Variants in ZFHX3 observed in about 807,000 individuals in gnomAD.
ZFHX3 encodes zinc finger homeobox 3, also known as zinc finger homeobox protein 3.
ZFHX3 carries 42 observed loss-of-function variants against 279.1 expected under a neutral mutation model. The ratio of observed to expected loss-of-function variants is 0.15; its 90% CI spans 0.12 to 0.19. ZFHX3 has a LOEUF of 0.19. Ranked by LOEUF, ZFHX3 falls within the 10% of genes least tolerant of loss-of-function variation. The pLI, the probability that ZFHX3 is intolerant of heterozygous loss-of-function variation, is 1.00. For missense variants in ZFHX3, 4,981 were observed against 4,754.0 expected (o/e 1.05, Z -1.40); for synonymous variants, 2,293 against 1,957.8 (o/e 1.17, Z -4.52).
At chr16:72,961,641 T>TC (rs2144469895) in intron 1 of ZFHX3, among the ~76,000 whole-genome samples, 1 of 151,856 alleles carries the variant, frequency 6.6e-6, no homozygotes, top group African/African-American at 2.4e-5. Context: ...TTTTTTTTTT[T>TC]CATTTCTTGA....
At chr16:73,121,662 C>A (rs1209579359) in intron 7 of ZFHX3, among the ~76,000 whole-genome samples, 1 of 150,058 alleles carries the variant, frequency 6.7e-6, no homozygotes, top group Non-Finnish European at 1.5e-5. Context: ...GTTGCCCAGG[C>A]TGGAGTGCAG....
At chr16:73,491,732 G>C (rs139049394) in intron 2 of ZFHX3, among the ~76,000 whole-genome samples, 204 of 152,238 alleles carry the variant, frequency 1.3e-3, no homozygotes, top group Middle Eastern at 6.8e-3. Flanking sequence ...ATTGCACTTA[G>C]CAGTGTATAG....
At position 72,797,590 on chromosome 16, in the gene ZFHX3, C is replaced by T. The variant is rs1275704590; in HGVS notation, c.5092G>A (p.Gly1698Ser). Residue 1698 changes from glycine to serine, a missense_variant, in exon 9 of 10, where the codon GGT becomes AGT. By Grantham distance (56) the Gly-to-Ser change is moderately conservative. Around this residue, in one of 7 missense-constraint regions of ZFHX3, gnomAD observed 1,751 missense variants for 1,770.0 expected, o/e 0.99. Transcript: ENST00000268489. Reference sequence around the variant, plus strand: ...TCTGAAGGGGAAGCAATGTTGGCACCAATAGGATTCCCCAGGGGTGGCATC... The same window carrying T: ...TCTGAAGGGGAAGCAATGTTGGCACTAATAGGATTCCCCAGGGGTGGCATC... Reference protein sequence around the residue: ...VGMPPLGNPIGANIASPSEPK... With the variant: ...VGMPPLGNPISANIASPSEPK... The T allele has an allele frequency of 6.2e-7, 1 of 1,614,000 alleles. No individual in the cohort carries two copies. The highest frequency in any genetic ancestry group is 8.5e-7 in the Non-Finnish European group (1 of 1,180,002).
chr16:73,071,757 AG>A (rs1328161249), intron 8 of ZFHX3, among the ~76,000 whole-genome samples: 1 of 152,240 alleles, frequency 6.6e-6, no homozygotes, highest in East Asian at 1.9e-4. Context: ...TGTTTAATAA[AG>A]ACATGGGAGC....
chr16:73,862,778 T>C (rs1024567312), intron 1 of ZFHX3, among the ~76,000 whole-genome samples: 2 of 151,700 alleles, frequency 1.3e-5, no homozygotes, highest in African/African-American at 4.8e-5. Flanking sequence ...CCCTGTACAA[T>C]CAATCAATCA....
intron 1 of ZFHX3, among the ~76,000 whole-genome samples, chr16:73,783,580 C>A (rs1433281558): frequency 3.9e-5 from 6 of 152,252 alleles, no homozygotes; most frequent in Admixed American, 2.6e-4. Flanking sequence ...GAAAGTTTCC[C>A]ATTTTATTCT....
chr16:72,787,559 GTAA>G lies in ZFHX3; in HGVS notation c.10714_10716del (p.Leu3572del), dbSNP rs2035459579. 1 of 1,614,036 alleles carries G rather than the reference GTAA, an allele frequency of 6.2e-7. No homozygotes were observed. ...GGATCGGGGAAGCAGGCAGAGTGAG[GTAA>G]TAAACTAGGGTGCTCTTTGGCGTTT... On this transcript the variant is annotated inframe_deletion, in exon 10 of 10. Transcript: ENST00000268489.
rs542174852 is a variant in ZFHX3, at chr16:73,278,757, T to C, written c.-1193-21621A>G. 2.6e-5 allele frequency among the ~76,000 whole-genome samples: 4 copies of C among 152,304 alleles called. No individual in the cohort carries two copies. The South Asian group carries it at 8.3e-4, about 32-fold the overall frequency. ...ATTGGTGCATTTTACAGGGCACTGA[T>C]AGGTGCGTTTTACAGAGTGCTGATT... On this transcript the variant is annotated intron_variant, in intron 4 of 17. Transcript: ENST00000641206.
At chr16:73,525,910 G>C (rs1378504588) in intron 2 of ZFHX3, among the ~76,000 whole-genome samples, 3 of 152,144 alleles carry the variant, frequency 2.0e-5, no homozygotes, top group African/African-American at 7.2e-5. Flanking sequence ...GCAGGTGAGA[G>C]CCAGACACAC....
intron 1 of ZFHX3, among the ~76,000 whole-genome samples, chr16:73,009,567 T>G (rs1963838981): frequency 6.6e-6 from 1 of 152,124 alleles, no homozygotes; most frequent in Non-Finnish European, 1.5e-5. Context: ...TTACTTAAAA[T>G]CTATAACGTT....
intron 1 of ZFHX3, among the ~76,000 whole-genome samples, chr16:73,681,209 T>C (rs2053006599): frequency 6.6e-6 from 1 of 152,124 alleles, no homozygotes; most frequent in Non-Finnish European, 1.5e-5. Context: ...GCTAAACAAA[T>C]TAAGGCAACA....
At chr16:73,218,925 C>G (rs2012306759) in intron 5 of ZFHX3, among the ~76,000 whole-genome samples, 1 of 152,188 alleles carries the variant, frequency 6.6e-6, no homozygotes, top group African/African-American at 2.4e-5. Context: ...GTGGAAACCC[C>G]ATACCTATCA....
chr16:73,007,028 T>C (rs1297018594), intron 1 of ZFHX3, among the ~76,000 whole-genome samples: 2 of 152,244 alleles, frequency 1.3e-5, no homozygotes, highest in African/African-American at 4.8e-5. Flanking sequence ...TGCTGGAATC[T>C]ACAAATGCAG....
At chr16:73,122,988 C>T (rs907705163) in intron 7 of ZFHX3, among the ~76,000 whole-genome samples, 3 of 152,096 alleles carry the variant, frequency 2.0e-5, no homozygotes, top group East Asian at 1.9e-4. Context: ...CCTCATGCTA[C>T]GTTTTAAGAG....
At chr16:72,872,779 C>T (rs2038195688) in intron 4 of ZFHX3, among the ~76,000 whole-genome samples, 1 of 152,136 alleles carries the variant, frequency 6.6e-6, no homozygotes, top group African/African-American at 2.4e-5. Flanking sequence ...TTAAATAAAT[C>T]TATGATATTC....
intron 1 of ZFHX3, among the ~76,000 whole-genome samples, chr16:73,753,306 G>T (rs2053777364): frequency 6.6e-6 from 1 of 152,138 alleles, no homozygotes. Context: ...AGCAAAGGGT[G>T]ACCAAAGCAA....
chr16:72,835,144 T>G (rs2037158208), intron 4 of ZFHX3, among the ~76,000 whole-genome samples: 1 of 152,030 alleles, frequency 6.6e-6, no homozygotes, highest in Non-Finnish European at 1.5e-5. Flanking sequence ...CCTTTTTCTT[T>G]GGAGGGTGGG....
At chr16:72,985,527 C>G (rs1224175852) in intron 1 of ZFHX3, among the ~76,000 whole-genome samples, 1 of 152,242 alleles carries the variant, frequency 6.6e-6, no homozygotes, top group Non-Finnish European at 1.5e-5. Context: ...TTGGACTGGA[C>G]AGACTCAAGG....
chr16:73,239,234 G>A (rs1249150334), intron 5 of ZFHX3, among the ~76,000 whole-genome samples: 2 of 152,160 alleles, frequency 1.3e-5, no homozygotes, highest in Non-Finnish European at 2.9e-5. Flanking sequence ...GTTTCCCATA[G>A]AGAAAAAAGG....
Sources: allele counts gnomAD v4.1 joint callset (sites outside exome capture counted in the v4.1 genomes callset), GRCh38; gene constraint gnomAD v4.1.1; regional missense constraint gnomAD v4.1.1; transcripts MANE v1.5; gene names NCBI Gene and HGNC (gene_info 2026-07-23, HGNC 2026-07-21).